The following MCF2L2 variants were observed in gnomAD, a reference collection of about 807,000 sequenced individuals.
MCF2L2 encodes probable guanine nucleotide exchange factor MCF2L2.
In MCF2L2, 102 loss-of-function variants were observed where a neutral mutation model predicts 150.2. That is an observed-to-expected ratio of 0.68 (90% CI 0.58 to 0.80). The LOEUF is 0.80. MCF2L2 is among the 30% of genes least tolerant of loss of function. The probability of loss-of-function intolerance (pLI) is 0.00; values close to 1 mark genes in which losing one functional copy is unlikely to be tolerated. For synonymous variants in MCF2L2, 465 were observed against 491.3 expected, an observed-to-expected ratio of 0.95 and a Z score of 0.71; for missense variants, 1,256 against 1,372.8, an observed-to-expected ratio of 0.91 and a Z score of 1.34.
At chr3:183,404,212 T>A (rs1714918586) in intron 1 of MCF2L2, among the ~76,000 whole-genome samples, 1 of 152,194 alleles carries the variant, frequency 6.6e-6, no homozygotes, top group African/African-American at 2.4e-5. Flanking sequence ...TTAAAATCAT[T>A]AGAGTTCACT....
intron 1 of MCF2L2, among the ~76,000 whole-genome samples, chr3:183,421,650 A>G (rs1715888939): frequency 6.6e-6 from 1 of 152,156 alleles, no homozygotes; most frequent in Admixed American, 6.5e-5. Flanking sequence ...GCTTTCTCAC[A>G]GGCAGTTTCT....
At chr3:183,388,377 A>G (rs1052344189) in intron 2 of MCF2L2, among the ~76,000 whole-genome samples, 2 of 151,852 alleles carry the variant, frequency 1.3e-5, no homozygotes, top group Non-Finnish European at 2.9e-5. Context: ...GAACCCAGAG[A>G]ACAGACCCCA....
chr3:183,193,135 G>A (rs1721957585), intron 26 of MCF2L2, 39 bp from the exon 27 acceptor site: 1 of 1,534,456 alleles, frequency 6.5e-7, no homozygotes, highest in Non-Finnish European at 9.0e-7. Context: ...TCACTGGAAG[G>A]AATGACACAC....
intron 6 of MCF2L2, among the ~76,000 whole-genome samples, chr3:183,320,241 C>T (rs9866598): frequency 0.042 from 6,428 of 151,890 alleles, 387 homozygotes; most frequent in African/African-American, 0.12. Context: ...GACAGGCACC[C>T]GCCACCACGC....
intron 3 of MCF2L2, among the ~76,000 whole-genome samples, chr3:183,345,137 C>T (rs557618421): frequency 6.6e-6 from 1 of 152,192 alleles, no homozygotes; most frequent in Non-Finnish European, 1.5e-5. Flanking sequence ...CACCACATAG[C>T]ACTTATTCTA....
At chr3:183,352,811 T>C (rs925981433) in intron 3 of MCF2L2, among the ~76,000 whole-genome samples, 7 of 152,222 alleles carry the variant, frequency 4.6e-5, no homozygotes, top group African/African-American at 1.7e-4. Flanking sequence ...CTGAACTATT[T>C]GGTTATATTA....
intron 1 of MCF2L2, among the ~76,000 whole-genome samples, chr3:183,395,917 C>CAAAA (rs11338932): frequency 2.1e-3 from 122 of 57,362 alleles, no homozygotes; most frequent in East Asian, 2.9e-3. Flanking sequence ...GACATCGTCT[C>CAAAA]AAAAAAAAAA....
chr3:183,385,058 G>T (rs1041417809), intron 2 of MCF2L2, among the ~76,000 whole-genome samples: 1 of 152,106 alleles, frequency 6.6e-6, no homozygotes, highest in Non-Finnish European at 1.5e-5. Context: ...GAGATATGCT[G>T]TAAGTATAAA....
intron 3 of MCF2L2, chr3:183,377,782 G>A (rs752548261): frequency 6.6e-6 from 1 of 152,230 alleles, no homozygotes; most frequent in Non-Finnish European, 1.5e-5. Flanking sequence ...AGGCCTAGAA[G>A]AGGGGCAGAG....
intron 6 of MCF2L2, among the ~76,000 whole-genome samples, chr3:183,320,094 CTTT>C (rs568657208): frequency 5.2e-5 from 7 of 134,638 alleles, no homozygotes; most frequent in African/African-American, 1.4e-4. Context: ...TTTTTCTTTT[CTTT>C]TTTTTTTTTT....
In MCF2L2 at chr3:183,224,087, C is replaced by T. The variant is rs1723257798; in HGVS notation, c.2208+11G>A. On this transcript the variant is annotated intron_variant, in intron 19 of 29. Transcript: ENST00000328913. ...CATTTTCCAGGAAGAAGTTTGTCTTCTCAACATTACCCCAAAGTAGGCGCA... is the reference window on the plus strand; with the variant it reads ...CATTTTCCAGGAAGAAGTTTGTCTTTTCAACATTACCCCAAAGTAGGCGCA... 2 of 1,609,238 alleles carry T rather than the reference C, an allele frequency of 1.2e-6. No homozygotes were observed. The highest frequency in any genetic ancestry group is 1.7e-6 in the Non-Finnish European group (2 of 1,175,632).
At chr3:183,266,757 A>C (rs1235058199) in intron 15 of MCF2L2, among the ~76,000 whole-genome samples, 1 of 151,336 alleles carries the variant, frequency 6.6e-6, no homozygotes, top group African/African-American at 2.4e-5. Flanking sequence ...GAAATTACTG[A>C]TATTGATCTG....
chr3:183,291,599 T>C (rs1728150918), intron 13 of MCF2L2, among the ~76,000 whole-genome samples: 1 of 152,218 alleles, frequency 6.6e-6, no homozygotes, highest in Admixed American at 6.5e-5. Flanking sequence ...CCACACATCT[T>C]CTTTATACTG....
At chr3:183,245,045 A>G (rs1248699835) in intron 15 of MCF2L2, among the ~76,000 whole-genome samples, 1 of 152,104 alleles carries the variant, frequency 6.6e-6, no homozygotes, top group Non-Finnish European at 1.5e-5. Context: ...TTTGTATGTC[A>G]AAGGGCTGGA....
At chr3:183,259,421 A>AT (rs1309126970) in intron 15 of MCF2L2, among the ~76,000 whole-genome samples, 4 of 152,080 alleles carry the variant, frequency 2.6e-5, no homozygotes, top group African/African-American at 9.7e-5. Flanking sequence ...GAGAACTTGT[A>AT]TTTTTTATTC....
chr3:183,188,979 A>T (rs1448212009), intron 27 of MCF2L2, among the ~76,000 whole-genome samples: 3 of 150,354 alleles, frequency 2.0e-5, no homozygotes, highest in African/African-American at 7.5e-5. Flanking sequence ...AAAAAAAAAA[A>T]GCAACGCTTA....
chr3:183,342,682 G>A (rs1027852360), intron 3 of MCF2L2, among the ~76,000 whole-genome samples: 12 of 146,362 alleles, frequency 8.2e-5, no homozygotes, highest in Non-Finnish European at 1.8e-4. Flanking sequence ...ATGCATATAT[G>A]TACAAACATG....
chr3:183,254,543 T>G (rs1255119404), intron 15 of MCF2L2: 1 of 152,030 alleles, frequency 6.6e-6, no homozygotes, highest in Non-Finnish European at 1.5e-5. Context: ...TGGGGCGGCT[T>G]CCCGGGGCCT....
chr3:183,335,801 G>C (rs894039576), intron 5 of MCF2L2, among the ~76,000 whole-genome samples: 1 of 152,188 alleles, frequency 6.6e-6, no homozygotes. Context: ...CGAGGCTGCA[G>C]TGAGCTATGA....
Sources: gnomAD v4.1 joint callset for allele counts (sites outside exome capture counted in the v4.1 genomes callset) on GRCh38, gnomAD v4.1.1 for gene constraint, MANE v1.5 for transcripts, NCBI Gene and HGNC (gene_info 2026-07-23, HGNC 2026-07-21) for gene names.